Variants in TMEM242 observed in about 807,000 individuals in gnomAD.
TMEM242 encodes the protein UPF0463 transmembrane protein C6orf35.
Under a neutral mutation model 18.2 loss-of-function variants are expected in TMEM242, and 10 were observed. The observed-to-expected ratio is 0.55, with a 90% CI of 0.34 to 0.93. The LOEUF is 0.93. Among genes scored for constraint, TMEM242 ranks in the 40% least tolerant of loss-of-function variants. The probability of loss-of-function intolerance (pLI) is 0.02; values close to 1 mark genes in which losing one functional copy is unlikely to be tolerated. For synonymous variants in TMEM242, 57 were observed against 69.9 expected (o/e 0.81, Z 0.92); for missense variants, 186 against 175.5 (o/e 1.06, Z -0.34).
intron 3 of TMEM242, among the ~76,000 whole-genome samples, chr6:157,309,007 G>T: frequency 6.6e-6 from 1 of 152,174 alleles, no homozygotes; most frequent in East Asian, 1.9e-4. Flanking sequence ...CAATCTAAAT[G>T]CCATTGGCAG....
At chr6:157,294,641 C>T (rs587766160) in intron 3 of TMEM242, among the ~76,000 whole-genome samples, 2 of 152,226 alleles carry the variant, frequency 1.3e-5, no homozygotes, top group African/African-American at 4.8e-5. Flanking sequence ...TGAACCACCG[C>T]GCCCGGCCGC....
chr6:157,312,355 A>AGTGCCACAG (rs1202912232), intron 3 of TMEM242, among the ~76,000 whole-genome samples: 1 of 10,868 alleles, frequency 9.2e-5, no homozygotes, highest in African/African-American at 3.0e-4. Flanking sequence ...TAGCCTCATC[A>AGTGCCACAG]TGTCCCAGTG....
At chr6:157,306,994 T>G (rs1167237130) in intron 3 of TMEM242, among the ~76,000 whole-genome samples, 4 of 152,240 alleles carry the variant, frequency 2.6e-5, no homozygotes, top group African/African-American at 9.6e-5. Flanking sequence ...AACATCATTT[T>G]CTGATATACC....
chr6:157,319,258 T>C (rs1029306992), intron 2 of TMEM242, among the ~76,000 whole-genome samples: 2 of 152,236 alleles, frequency 1.3e-5, no homozygotes, highest in African/African-American at 2.4e-5. Flanking sequence ...CCTGCCATAA[T>C]ATTAAGATGA....
intron 3 of TMEM242, among the ~76,000 whole-genome samples, chr6:157,317,639 A>G (rs1165259587): frequency 1.3e-5 from 2 of 152,136 alleles, no homozygotes; most frequent in African/African-American, 2.4e-5. Flanking sequence ...CTCAACTTCT[A>G]TATCTAACTG....
intron 3 of TMEM242, chr6:157,299,471 AT>A: frequency 7.2e-7 from 1 of 1,397,854 alleles, no homozygotes; most frequent in African/African-American, 1.4e-5. Context: ...TTCAGAGTGG[AT>A]ACCAAGCTTT....
At chr6:157,318,753 A>G in intron 3 of TMEM242, 29 bp downstream of exon 3, 1 of 1,612,542 alleles carries the variant, frequency 6.2e-7, no homozygotes, top group East Asian at 2.2e-5. Flanking sequence ...AAACATGTAG[A>G]TACCAGGGAC....
At position 157,316,460 on chromosome 6, in the gene TMEM242, A is replaced by C. The variant is rs587694043; in HGVS notation, c.327+2322T>G. Among the ~76,000 whole-genome samples the C allele has an allele frequency of 5.9e-5, 9 of 152,356 alleles. 1 individual carries two copies. In the East Asian group the frequency reaches 1.7e-3, roughly 29 times the overall value. ...GGAAGAAGAGATTTTATATTGGTCGAAAGCAAAATTGAGGTTAACAGCAAA... is the reference window on the plus strand; with the variant it reads ...GGAAGAAGAGATTTTATATTGGTCGCAAGCAAAATTGAGGTTAACAGCAAA... On this transcript the variant is annotated intron_variant, in intron 3 of 3. Transcript: ENST00000400788.
At chr6:157,311,245 T>C (rs1554248683) in intron 3 of TMEM242, among the ~76,000 whole-genome samples, 2 of 145,974 alleles carry the variant, frequency 1.4e-5, no homozygotes, top group African/African-American at 5.0e-5. Context: ...AGTGTCCCAG[T>C]GTGCGCTCAC....
At chr6:157,321,784 A>G (rs1554250761) in intron 2 of TMEM242, among the ~76,000 whole-genome samples, 1 of 141,002 alleles carries the variant, frequency 7.1e-6, no homozygotes, top group African/African-American at 2.6e-5. Context: ...AAGGATTAAC[A>G]TAACTTAGGC....
intron 3 of TMEM242, among the ~76,000 whole-genome samples, chr6:157,296,656 C>A (rs1777753849): frequency 6.6e-6 from 1 of 152,228 alleles, no homozygotes; most frequent in African/African-American, 2.4e-5. Context: ...GCACTCCAGC[C>A]TGGGCCACAG....
At chr6:157,314,209 C>T (rs1554250059) in intron 3 of TMEM242, among the ~76,000 whole-genome samples, 3 of 151,136 alleles carry the variant, frequency 2.0e-5, no homozygotes, top group Non-Finnish European at 3.0e-5. Flanking sequence ...CTCACCTGGC[C>T]TCATCATAGT....
rs782524419 is a variant in TMEM242, at chr6:157,323,474, C to T, written c.26G>A (p.Gly9Glu). Reference protein sequence around the residue: METAGAATGQPASGLEAPG... With the variant: METAGAATEQPASGLEAPG... Reference sequence around the variant, plus strand: ...AGCCTCCAGCCCAGAGGCCGGCTGCCCAGTTGCAGCGCCCGCTGTCTCCAT... The same window carrying T: ...AGCCTCCAGCCCAGAGGCCGGCTGCTCAGTTGCAGCGCCCGCTGTCTCCAT... Residue 9 changes from glycine to glutamate, a missense_variant, in exon 1 of 4, where the codon GGG (glycine) becomes GAG (glutamate). By Grantham distance (98) the Gly-to-Glu change is moderately conservative. Coordinates refer to ENST00000400788, the MANE Select transcript of TMEM242 (RefSeq NM_018452.6). 6 of 1,614,004 alleles carry T rather than the reference C, an allele frequency of 3.7e-6. No individual in the cohort carries two copies. The highest frequency in any genetic ancestry group is 5.1e-6 in the Non-Finnish European group (6 of 1,179,950).
At chr6:157,295,164 A>C (rs1554247122) in intron 3 of TMEM242, among the ~76,000 whole-genome samples, 3 of 152,218 alleles carry the variant, frequency 2.0e-5, no homozygotes, top group African/African-American at 7.2e-5. Context: ...TCACTGGAAG[A>C]TACGTAAGGT....
rs1279506925 is a variant in TMEM242, at chr6:157,305,626, GT to G, written c.328-12628del. 6.6e-6 allele frequency among the ~76,000 whole-genome samples: 1 copy of G among 152,202 alleles called. No individual in the cohort carries two copies. The highest frequency in any genetic ancestry group is 1.5e-5 in the Non-Finnish European group (1 of 68,036). Reference sequence around the variant, plus strand: ...CGGAGGATAGATGGAGGACAGAAGAGTTTAAGTAGGAGCTACTGGACACTGA... The same window carrying G: ...CGGAGGATAGATGGAGGACAGAAGAGTTAAGTAGGAGCTACTGGACACTGA... On this transcript the variant is annotated intron_variant, in intron 3 of 3. Coordinates refer to ENST00000400788, the MANE Select transcript of TMEM242 (RefSeq NM_018452.6). This position sits in a 1 kb window ranked among gnomAD's most constrained non-coding sequence, Gnocchi z 4.1.
intron 3 of TMEM242, among the ~76,000 whole-genome samples, chr6:157,316,899 A>G (rs1369206281): frequency 6.6e-6 from 1 of 152,208 alleles, no homozygotes; most frequent in Admixed American, 6.5e-5. Context: ...ATAAATTTTA[A>G]AAACAAAGGT....
At chr6:157,313,408 G>GA (rs1778271171) in intron 3 of TMEM242, among the ~76,000 whole-genome samples, 1 of 2,858 alleles carries the variant, frequency 3.5e-4, no homozygotes, top group African/African-American at 1.8e-3. Context: ...TTATTACAGT[G>GA]TCCAGTGTGC....
intron 3 of TMEM242, among the ~76,000 whole-genome samples, chr6:157,306,214 C>A (rs1390560411): frequency 6.6e-6 from 1 of 152,086 alleles, no homozygotes; most frequent in African/African-American, 2.4e-5. Context: ...AGGCAGTGTG[C>A]GTGTTAAGTC....
chr6:157,319,759 C>T (rs959899486), intron 2 of TMEM242, among the ~76,000 whole-genome samples: 1 of 152,170 alleles, frequency 6.6e-6, no homozygotes. Context: ...CCTAGAATCC[C>T]AGGCTAATGG....
Sources: gnomAD v4.1 joint callset for allele counts (sites outside exome capture counted in the v4.1 genomes callset) on GRCh38, gnomAD v4.1.1 for gene constraint, Gnocchi (gnomAD v3.1) non-coding constraint, MANE v1.5 for transcripts, NCBI Gene and HGNC (gene_info 2026-07-23, HGNC 2026-07-21) for gene names.